FHIT: variants seen among roughly 807,000 people sequenced by gnomAD.
FHIT encodes fragile histidine triad diadenosine triphosphatase.
FHIT carries 19 observed loss-of-function variants against 17.9 expected under a neutral mutation model. The observed-to-expected ratio is 1.06, with a 90% CI of 0.74 to 1.56. The LOEUF (loss-of-function observed/expected upper bound fraction) is 1.56, where lower values mean the gene tolerates loss of function less well. FHIT is among the 40% of genes most tolerant of loss of function. The pLI is 0.00. For synonymous variants in FHIT, 81 were observed against 69.7 expected (o/e 1.16, Z -0.81); for missense variants, 248 against 189.2 (o/e 1.31, Z -1.82).
intron 2 of FHIT, among the ~76,000 whole-genome samples, chr3:61,141,060 T>G (rs989452769): frequency 6.6e-6 from 1 of 152,186 alleles, no homozygotes; most frequent in Admixed American, 6.5e-5. Context: ...AGGATACATA[T>G]GTTCAACACA....
intron 2 of FHIT, among the ~76,000 whole-genome samples, chr3:61,178,371 G>A (rs991251739): frequency 6.6e-6 from 1 of 151,854 alleles, no homozygotes; most frequent in Non-Finnish European, 1.5e-5. Flanking sequence ...CCTCTGCAAT[G>A]TGTTGCTGAG....
At chr3:60,981,295 C>CTT (rs71100934) in intron 3 of FHIT, among the ~76,000 whole-genome samples, 4 of 124,500 alleles carry the variant, frequency 3.2e-5, no homozygotes, top group African/African-American at 6.2e-5. Flanking sequence ...TTCTTCCTTC[C>CTT]TTTTTTTTTT....
chr3:60,264,362 A>G (rs961797529), intron 5 of FHIT, among the ~76,000 whole-genome samples: 1 of 145,470 alleles, frequency 6.9e-6, no homozygotes, highest in Non-Finnish European at 1.5e-5. Context: ...CTTCCTACCA[A>G]TAGTTCAGCT....
At chr3:60,507,074 C>G (rs767436188) in intron 5 of FHIT, among the ~76,000 whole-genome samples, 1 of 152,000 alleles carries the variant, frequency 6.6e-6, no homozygotes, top group Non-Finnish European at 1.5e-5. Context: ...ATGTGAATTA[C>G]AAACAAGTAA....
intron 8 of FHIT, among the ~76,000 whole-genome samples, chr3:59,823,348 G>C (rs537158544): frequency 6.6e-6 from 1 of 152,084 alleles, no homozygotes; most frequent in Non-Finnish European, 1.5e-5. Context: ...GTATTTTTAT[G>C]GGAATTGCAT....
chr3:59,972,966 C>G (rs1470696566), intron 7 of FHIT, among the ~76,000 whole-genome samples: 1 of 152,106 alleles, frequency 6.6e-6, no homozygotes, highest in African/African-American at 2.4e-5. Flanking sequence ...ACCCCATTCT[C>G]AATCTCAGCT....
intron 4 of FHIT, among the ~76,000 whole-genome samples, chr3:60,552,867 T>C (rs2036606212): frequency 1.3e-5 from 2 of 152,226 alleles, no homozygotes; most frequent in African/African-American, 4.8e-5. Flanking sequence ...CTGTGTGAAA[T>C]CTTCATGGTT....
chr3:60,797,356 G>C (rs1701017171), intron 4 of FHIT, among the ~76,000 whole-genome samples: 1 of 152,102 alleles, frequency 6.6e-6, no homozygotes, highest in Non-Finnish European at 1.5e-5. Context: ...GATGTACACT[G>C]CTTTTGTGGT....
At chr3:60,960,895 G>A (rs1045850815) in intron 3 of FHIT, among the ~76,000 whole-genome samples, 8 of 152,180 alleles carry the variant, frequency 5.3e-5, no homozygotes, top group East Asian at 1.9e-4. Flanking sequence ...ATAAACACAC[G>A]TGTGCATGTG....
intron 5 of FHIT, among the ~76,000 whole-genome samples, chr3:60,440,222 A>G (rs752875926): frequency 6.6e-6 from 1 of 152,026 alleles, no homozygotes; most frequent in Non-Finnish European, 1.5e-5. Context: ...CCAAATTTCA[A>G]ACAAGTAACT....
At chr3:60,980,875 C>A (rs1282297570) in intron 3 of FHIT, among the ~76,000 whole-genome samples, 1 of 152,180 alleles carries the variant, frequency 6.6e-6, no homozygotes, top group African/African-American at 2.4e-5. Context: ...ACTACAAATA[C>A]CTGTTTAGAT....
At chr3:59,994,838 C>T (rs1699438429) in intron 7 of FHIT, among the ~76,000 whole-genome samples, 1 of 152,068 alleles carries the variant, frequency 6.6e-6, no homozygotes, top group African/African-American at 2.4e-5. Context: ...AATTTTTAAG[C>T]CCTCCTTTCA....
chr3:60,919,568 T>C (rs1264550035), intron 3 of FHIT, among the ~76,000 whole-genome samples: 1 of 152,090 alleles, frequency 6.6e-6, no homozygotes, highest in Non-Finnish European at 1.5e-5. Flanking sequence ...GGAGCCTACT[T>C]ATAGAGTTCA....
At chr3:60,049,884 T>C (rs1701802546) in intron 5 of FHIT, among the ~76,000 whole-genome samples, 1 of 152,146 alleles carries the variant, frequency 6.6e-6, no homozygotes, top group Non-Finnish European at 1.5e-5. Context: ...GGCAAATAGA[T>C]TGTTTCTAAT....
intron 5 of FHIT, among the ~76,000 whole-genome samples, chr3:60,243,724 T>C (rs75474177): frequency 1.3e-5 from 2 of 152,118 alleles, no homozygotes; most frequent in South Asian, 2.1e-4. Context: ...AGATATAATC[T>C]GTACGACAGT....
chr3:60,524,670 C>A (rs1394840034), intron 5 of FHIT, among the ~76,000 whole-genome samples: 1 of 152,170 alleles, frequency 6.6e-6, no homozygotes, highest in Non-Finnish European at 1.5e-5. Flanking sequence ...CTTTGCTGCT[C>A]CAGCTTCTGA....
At chr3:60,366,292 C>T (rs1700104012) in intron 5 of FHIT, among the ~76,000 whole-genome samples, 1 of 152,110 alleles carries the variant, frequency 6.6e-6, no homozygotes, top group South Asian at 2.1e-4. Flanking sequence ...TCTCCTGCCT[C>T]AGCCTCATGA....
chr3:60,372,576 G>A (rs1347070605), intron 5 of FHIT, among the ~76,000 whole-genome samples: 1 of 152,162 alleles, frequency 6.6e-6, no homozygotes. Flanking sequence ...AGAGTCATGA[G>A]TACAAGTTCG....
chr3:61,240,194 C>T (rs79484912), intron 1 of FHIT, among the ~76,000 whole-genome samples: 8,709 of 152,252 alleles, frequency 0.057, 283 homozygotes, highest in African/African-American at 0.074. Context: ...TTTTTATCCA[C>T]CAGGCTGGCA....
Sources: gnomAD v4.1 joint callset for allele counts (sites outside exome capture counted in the v4.1 genomes callset) on GRCh38, gnomAD v4.1.1 for gene constraint, MANE v1.5 for transcripts, NCBI Gene and HGNC (gene_info 2026-07-23, HGNC 2026-07-21) for gene names.